Variants in CAST observed in about 807,000 individuals in gnomAD.
CAST encodes calpastatin.
In CAST, 76 loss-of-function variants were observed where a neutral mutation model predicts 119.6. That is an observed-to-expected ratio of 0.64 (90% CI 0.53 to 0.77). The LOEUF (loss-of-function observed/expected upper bound fraction) is 0.77. Ranked by LOEUF, CAST falls within the 30% of genes least tolerant of loss-of-function variation. The pLI is 0.00. For missense variants in CAST, 953 were observed against 946.5 expected (o/e 1.01, Z -0.09); for synonymous variants, 319 against 331.6 (o/e 0.96, Z 0.41).
In CAST at chr5:96,773,135, A is replaced by G. The variant is rs892051278; in HGVS notation, c.*519A>G. On this transcript the variant is annotated 3_prime_UTR_variant, in exon 32 of 32. Coordinates refer to ENST00000675179, the MANE Select transcript of CAST (RefSeq NM_001750.7). Reference sequence around the variant, plus strand: ...TTGATGTTGCTTTGGGATAATGTTTATAAGTCAAACATAAGATATTGTACA... The same window carrying G: ...TTGATGTTGCTTTGGGATAATGTTTGTAAGTCAAACATAAGATATTGTACA... The G allele has an allele frequency of 1.3e-5, 2 of 153,842 alleles. No individual in the cohort carries two copies. Among genetic ancestry groups the G allele is most frequent in the Non-Finnish European group, 2.9e-5 (2 of 68,014 alleles). The allele number at this position is 153,842 out of a possible 1,614,324, so 9.5% of individuals were successfully genotyped here.
chr5:96,579,216 C>G (rs984113007), intron 1 of CAST, among the ~76,000 whole-genome samples: 4 of 152,162 alleles, frequency 2.6e-5, no homozygotes, highest in African/African-American at 9.7e-5. Flanking sequence ...AGGCCAGGTA[C>G]CTACTGTGGC....
At chr5:96,213,000 T>G in the CAST span, among the ~76,000 whole-genome samples, 10 of 152,118 alleles carry the variant, frequency 6.6e-5, no homozygotes, top group African/African-American at 2.4e-4. Flanking sequence ...ACACCCGTAG[T>G]CCTAGCTACT....
At chr5:96,643,114 C>T (rs556352966) in intron 1 of CAST, among the ~76,000 whole-genome samples, 39 of 152,282 alleles carry the variant, frequency 2.6e-4, no homozygotes, top group Admixed American at 6.5e-4. Flanking sequence ...TACAAAACAA[C>T]GTTCACAATG....
chr5:96,616,789 CACACACAT>C (rs1309929991), intron 1 of CAST, among the ~76,000 whole-genome samples: 5 of 150,094 alleles, frequency 3.3e-5, no homozygotes, highest in Admixed American at 1.3e-4. Context: ...CACACACACA[CACACACAT>C]ATACATATAC....
chr5:96,618,816 A>G (rs971872996), intron 1 of CAST, among the ~76,000 whole-genome samples: 1 of 152,004 alleles, frequency 6.6e-6, no homozygotes, highest in Admixed American at 6.5e-5. Context: ...CTCCCGGGGG[A>G]CCTGAGCCTC....
At position 96,665,219 on chromosome 5, in the gene CAST, G is replaced by A. The variant is rs1055235937; in HGVS notation, c.75+2722G>A. Among the ~76,000 whole-genome samples the A allele has an allele frequency of 5.3e-5, 8 of 152,260 alleles. No homozygotes were observed. The South Asian group carries it at 1.2e-3, about 24-fold the overall frequency. On this transcript the variant is annotated intron_variant, in intron 1 of 31. Transcript: ENST00000675179. ...TAGAAACATAATGTGAGCCACGTCTGCAATTTCAGATTTCCAAGGAGCCAC... is the reference window on the plus strand; with the variant it reads ...TAGAAACATAATGTGAGCCACGTCTACAATTTCAGATTTCCAAGGAGCCAC...
chr5:96,130,282 A>G, the CAST span, among the ~76,000 whole-genome samples: 1 of 151,916 alleles, frequency 6.6e-6, no homozygotes, highest in Non-Finnish European at 1.5e-5. Context: ...ACAAATCCCA[A>G]TTTACGGATA....
In CAST at chr5:96,706,235, A is replaced by G. The variant is rs201171963; in HGVS notation, c.210+10328A>G. 4.6e-5 allele frequency among the ~76,000 whole-genome samples: 7 copies of G among 152,202 alleles called. No homozygotes were observed. In the South Asian group the frequency reaches 8.3e-4, roughly 18 times the overall value. On this transcript the variant is annotated intron_variant, in intron 3 of 31. Transcript: ENST00000675179. ...TTACAAGTAGAGTTTTTGAAGTTTAATATCTCTTTGTGCTTTGGCTAAAGA... is the reference window on the plus strand; with the variant it reads ...TTACAAGTAGAGTTTTTGAAGTTTAGTATCTCTTTGTGCTTTGGCTAAAGA...
chr5:96,398,177 G>A, the CAST span, among the ~76,000 whole-genome samples: 1 of 152,112 alleles, frequency 6.6e-6, no homozygotes. Flanking sequence ...AATTAACAGA[G>A]CCTATTCCAA....
chr5:95,997,447 T>C, the CAST span, among the ~76,000 whole-genome samples: 395 of 151,454 alleles, frequency 2.6e-3, 3 homozygotes, highest in African/African-American at 9.2e-3. Flanking sequence ...TTAATCACAG[T>C]GCTCCAGATG....
chr5:96,500,031 A>G, the CAST span, among the ~76,000 whole-genome samples: 1 of 152,122 alleles, frequency 6.6e-6, no homozygotes. Context: ...CAGTCAGAAC[A>G]CCCACAACAT....
chr5:96,495,260 G>GT, the CAST span, among the ~76,000 whole-genome samples: 40 of 150,850 alleles, frequency 2.7e-4, no homozygotes, highest in African/African-American at 8.0e-4. Context: ...TTTGTTTTTT[G>GT]TTTTTTTTAC....
At chr5:96,046,023 A>G in the CAST span, among the ~76,000 whole-genome samples, 2 of 152,166 alleles carry the variant, frequency 1.3e-5, no homozygotes, top group African/African-American at 4.8e-5. Flanking sequence ...GGCCATGTGG[A>G]TAACTGAGCA....
the CAST span, among the ~76,000 whole-genome samples, chr5:96,064,554 A>T: frequency 2.6e-5 from 4 of 152,264 alleles, no homozygotes; most frequent in Non-Finnish European, 4.4e-5. Context: ...AATCTTTATT[A>T]ATTACAGAAT....
chr5:96,412,752 G>GTTTTTTTTT, the CAST span, among the ~76,000 whole-genome samples: 26 of 71,796 alleles, frequency 3.6e-4, no homozygotes, highest in African/African-American at 8.1e-4. Flanking sequence ...CAGCTGTGAT[G>GTTTTTTTTT]TTTTTTTTTT....
the CAST span, among the ~76,000 whole-genome samples, chr5:96,467,612 C>T: frequency 6.6e-6 from 1 of 151,970 alleles, no homozygotes; most frequent in East Asian, 1.9e-4. Context: ...GGATTTGATT[C>T]TGGACTTGAT....
At chr5:96,491,811 GCA>G in the CAST span, among the ~76,000 whole-genome samples, 3 of 152,308 alleles carry the variant, frequency 2.0e-5, no homozygotes, top group South Asian at 2.1e-4. Flanking sequence ...CTACAATGGT[GCA>G]CTATATGCAA....
intron 20 of CAST, among the ~76,000 whole-genome samples, chr5:96,751,916 C>T (rs1192796119): frequency 1.3e-5 from 2 of 152,220 alleles, no homozygotes; most frequent in Non-Finnish European, 2.9e-5. Context: ...GTCCTCCTTT[C>T]CAGGGCCTTA....
the CAST span, among the ~76,000 whole-genome samples, chr5:96,162,683 A>G: frequency 6.6e-6 from 1 of 151,978 alleles, no homozygotes; most frequent in Non-Finnish European, 1.5e-5. Flanking sequence ...TTCCCAAAGT[A>G]CTGTGATTAC....
Sources: gnomAD v4.1 joint callset for allele counts (sites outside exome capture counted in the v4.1 genomes callset) on GRCh38, gnomAD v4.1.1 for gene constraint, MANE v1.5 for transcripts, NCBI Gene and HGNC (gene_info 2026-07-23, HGNC 2026-07-21) for gene names.